Variants in FABP7 observed in about 807,000 individuals in gnomAD.
FABP7 encodes the protein fatty acid-binding protein, brain.
A neutral mutation model predicts 14.2 loss-of-function variants in FABP7; 13 were observed. The observed-to-expected ratio is 0.91, with a 90% CI of 0.59 to 1.45. The LOEUF is 1.45. Among genes scored for constraint, FABP7 ranks in the 40% most tolerant of loss-of-function variants. FABP7 has a pLI of 0.00. For missense variants in FABP7, 149 were observed against 157.6 expected (o/e 0.95, Z 0.29); for synonymous variants, 49 against 51.4 (o/e 0.95, Z 0.20).
chr6:122,775,704 C>CAACA (rs1554243097), upstream of FABP7, among the ~76,000 whole-genome samples: 1 of 149,586 alleles, frequency 6.7e-6, no homozygotes, highest in Admixed American at 6.7e-5. Context: ...ACAACAACAA[C>CAACA]AAAAAAAACA....
chr6:122,781,616 A>G, intron 3 of FABP7: 2 of 1,120,730 alleles, frequency 1.8e-6, no homozygotes, highest in Non-Finnish European at 2.2e-6. Context: ...GTAATAAGAG[A>G]TCTTTAAACA....
the FABP7 span, among the ~76,000 whole-genome samples, chr6:122,756,895 G>A: frequency 1.3e-5 from 2 of 152,008 alleles, no homozygotes; most frequent in South Asian, 2.1e-4. Flanking sequence ...CATTTCACTG[G>A]CCTCTCTTTC....
At chr6:122,783,428 A>C (rs1243360881) in intron 3 of FABP7, 1 of 985,184 alleles carries the variant, frequency 1.0e-6, no homozygotes, top group Non-Finnish European at 1.2e-6. Flanking sequence ...TAGACACTCC[A>C]TTTCTCACAC....
rs141909941 is a variant in FABP7 at position 122,783,131 on chromosome 6, T to G, written c.349-586T>G. On this transcript the variant is annotated intron_variant, in intron 3 of 3. Transcript: ENST00000368444. Reference sequence around the variant, plus strand: ...CTGTAAAGTGGTTTTATAATAACTCTTCAAGTTAGATTTGACATTAGAGTA... The same window carrying G: ...CTGTAAAGTGGTTTTATAATAACTCGTCAAGTTAGATTTGACATTAGAGTA... 4.1e-6 allele frequency: 4 copies of G among 985,422 alleles called. No individual in the cohort carries two copies. The African/African-American group carries it at 5.2e-5, about 13-fold the overall frequency. The allele number at this position is 985,422 out of a possible 1,614,324, so 61.0% of individuals were successfully genotyped here. A position where few individuals can be genotyped will look rare whatever the true frequency, so the allele number is the denominator to read the frequency against.
At chr6:122,771,438 G>A in the FABP7 span, among the ~76,000 whole-genome samples, 3 of 152,066 alleles carry the variant, frequency 2.0e-5, no homozygotes, top group African/African-American at 4.8e-5. Flanking sequence ...AATCAGCAGA[G>A]ATCAGTAAAC....
At chr6:122,753,708 A>G in the FABP7 span, among the ~76,000 whole-genome samples, 5 of 150,980 alleles carry the variant, frequency 3.3e-5, no homozygotes, top group Admixed American at 2.6e-4. Flanking sequence ...AAATGAAAGT[A>G]CACTCCACAG....
chr6:122,770,375 A>T, the FABP7 span, among the ~76,000 whole-genome samples: 2 of 152,148 alleles, frequency 1.3e-5, no homozygotes, highest in Non-Finnish European at 2.9e-5. Context: ...ATAACACAAG[A>T]CACTTTTATC....
rs1562339996 is a variant in FABP7, at chr6:122,781,194, GGTAA to G, written c.348+5_348+8del. On this transcript the variant is annotated splice_donor_variant and splice_donor_region_variant and intron_variant, in intron 3 of 3. Coordinates refer to ENST00000368444, the MANE Select transcript of FABP7 (RefSeq NM_001446.5). LOFTEE classifies it high-confidence loss of function. ...AAATTAAGGATGGCAAAATGGTTATGGTAAGTAATGACAATTCTCCATTCTTCCT... is the reference window on the plus strand; with the variant it reads ...AAATTAAGGATGGCAAAATGGTTATGGTAATGACAATTCTCCATTCTTCCT... 1 of 1,613,786 alleles carries G rather than the reference GGTAA, an allele frequency of 6.2e-7. No individual in the cohort carries two copies.
chr6:122,754,105 A>G, the FABP7 span, among the ~76,000 whole-genome samples: 1 of 152,038 alleles, frequency 6.6e-6, no homozygotes, highest in Non-Finnish European at 1.5e-5. Context: ...TTCAGACCCT[A>G]TTCTCCTGCC....
chr6:122,764,930 AAT>A, the FABP7 span, among the ~76,000 whole-genome samples: 2 of 152,186 alleles, frequency 1.3e-5, no homozygotes, highest in African/African-American at 4.8e-5. Flanking sequence ...AGACTTTACT[AAT>A]TTGCAAGGGA....
chr6:122,781,643 A>T (rs1334366757), intron 3 of FABP7: 1 of 1,060,366 alleles, frequency 9.4e-7, no homozygotes, highest in Non-Finnish European at 1.1e-6. Context: ...ATTTTAATTT[A>T]TAAAGTTACA....
chr6:122,755,038 A>G, the FABP7 span, among the ~76,000 whole-genome samples: 1 of 151,758 alleles, frequency 6.6e-6, no homozygotes, highest in Non-Finnish European at 1.5e-5. Flanking sequence ...ACTACTTCCA[A>G]TAGTGCTACT....
the FABP7 span, among the ~76,000 whole-genome samples, chr6:122,769,189 G>A: frequency 2.0e-5 from 3 of 151,918 alleles, no homozygotes; most frequent in Admixed American, 6.6e-5. Flanking sequence ...CTCACCTCAG[G>A]GTTTTAAAGA....
Position 122,781,153 on chromosome 6 carries a change from A to G in FABP7, c.307A>G (p.Thr103Ala), listed in dbSNP as rs1780772395. ...CATACAGAAATGGGATGGCAAAGAAACAAATTTTGTAAGAGAAATTAAGGA... is the reference window on the plus strand; with the variant it reads ...CATACAGAAATGGGATGGCAAAGAAGCAAATTTTGTAAGAGAAATTAAGGA... ...VHIQKWDGKE[T>A]NFVREIKDGK... is the part of the protein sequence containing the mutation. The change falls in exon 3 of 4, where the codon ACA becomes GCA. Residue 103 changes from threonine to alanine, a missense_variant. Coordinates refer to ENST00000368444, the MANE Select transcript of FABP7 (RefSeq NM_001446.5). 1 of 1,613,950 alleles carries G rather than the reference A, an allele frequency of 6.2e-7. No individual in the cohort carries two copies. The highest frequency in any genetic ancestry group is 8.5e-7 in the Non-Finnish European group (1 of 1,179,970).
chr6:122,771,649 T>C, the FABP7 span, among the ~76,000 whole-genome samples: 4 of 152,180 alleles, frequency 2.6e-5, no homozygotes, highest in Non-Finnish European at 5.9e-5. Flanking sequence ...TGAACGCTTA[T>C]TAAAACTATT....
At chr6:122,758,859 T>A in the FABP7 span, among the ~76,000 whole-genome samples, 7 of 152,182 alleles carry the variant, frequency 4.6e-5, no homozygotes, top group Non-Finnish European at 1.0e-4. Context: ...ATATATCAGG[T>A]TGTCAAACTT....
At chr6:122,771,422 C>T in the FABP7 span, among the ~76,000 whole-genome samples, 1 of 152,044 alleles carries the variant, frequency 6.6e-6, no homozygotes, top group East Asian at 1.9e-4. Context: ...GCTCAATGTA[C>T]ACAGTAATCA....
the FABP7 span, among the ~76,000 whole-genome samples, chr6:122,761,963 AAAG>A: frequency 3.9e-5 from 6 of 152,214 alleles, no homozygotes; most frequent in East Asian, 9.6e-4. Flanking sequence ...CCAGAGGTAC[AAAG>A]AAGAGCTGTT....
the FABP7 span, among the ~76,000 whole-genome samples, chr6:122,757,801 C>G: frequency 3.3e-5 from 5 of 152,036 alleles, no homozygotes; most frequent in African/African-American, 1.2e-4. Context: ...TGCATGCGTT[C>G]CAAGGAGTCT....
Sources: gnomAD v4.1 joint callset for allele counts (sites outside exome capture counted in the v4.1 genomes callset) on GRCh38, gnomAD v4.1.1 for gene constraint, MANE v1.5 for transcripts, NCBI Gene and HGNC (gene_info 2026-07-23, HGNC 2026-07-21) for gene names.